The following FBXO42 variants were observed in gnomAD, a reference collection of about 807,000 sequenced individuals.
The protein encoded by FBXO42 is F-box protein 42, also known as F-box only protein 42.
FBXO42 carries 12 observed loss-of-function variants against 71.7 expected under a neutral mutation model. That is an observed-to-expected ratio of 0.17 (90% CI 0.11 to 0.27). The LOEUF (loss-of-function observed/expected upper bound fraction) is 0.27. Among genes scored for constraint, FBXO42 ranks in the 10% least tolerant of loss-of-function variants. The pLI, the probability that FBXO42 is intolerant of heterozygous loss-of-function variation, is 1.00. For missense variants in FBXO42, 707 were observed against 911.9 expected, an observed-to-expected ratio of 0.78 and a Z score of 2.89; for synonymous variants, 325 against 327.5, an observed-to-expected ratio of 0.99 and a Z score of 0.08.
intron 1 of FBXO42, among the ~76,000 whole-genome samples, chr1:16,347,140 CTG>C (rs139513021): frequency 1.1e-3 from 174 of 151,846 alleles, no homozygotes; most frequent in African/African-American, 4.1e-3. Flanking sequence ...ATACACTTAT[CTG>C]TGTGTGTGTG....
At chr1:16,277,409 T>A (rs2081916250) in intron 4 of FBXO42, among the ~76,000 whole-genome samples, 1 of 152,016 alleles carries the variant, frequency 6.6e-6, no homozygotes. Context: ...CTGCCCCCAC[T>A]ACTAATATAT....
At chr1:16,321,640 G>A (rs1396233741) in intron 1 of FBXO42, among the ~76,000 whole-genome samples, 2 of 151,118 alleles carry the variant, frequency 1.3e-5, no homozygotes, top group Non-Finnish European at 2.9e-5. Context: ...TCAAATGAGT[G>A]TAAGGTTTAT....
chr1:16,303,866 C>G (rs1481385615), intron 3 of FBXO42, among the ~76,000 whole-genome samples: 1 of 152,174 alleles, frequency 6.6e-6, no homozygotes, highest in East Asian at 1.9e-4. Context: ...CTGCTTCAGC[C>G]TCCCCAGTAG....
chr1:16,256,894 G>T, intron 4 of FBXO42, 135 bp from the exon 5 acceptor site: 1 of 801,844 alleles, frequency 1.2e-6, no homozygotes, highest in Non-Finnish European at 1.8e-6. Flanking sequence ...AGGAAAGGTG[G>T]AAAGAAAACT....
chr1:16,300,244 G>C (rs2082177080), intron 3 of FBXO42, among the ~76,000 whole-genome samples: 1 of 152,142 alleles, frequency 6.6e-6, no homozygotes, highest in Non-Finnish European at 1.5e-5. Context: ...ATAATACTGA[G>C]AGTGTCTATT....
intron 1 of FBXO42, among the ~76,000 whole-genome samples, chr1:16,317,767 A>G (rs1174774051): frequency 6.6e-6 from 1 of 152,046 alleles, no homozygotes; most frequent in Non-Finnish European, 1.5e-5. Flanking sequence ...CTACAAAAAA[A>G]TAATTAACCG....
At chr1:16,280,387 G>T (rs921316096) in intron 4 of FBXO42, among the ~76,000 whole-genome samples, 2 of 152,156 alleles carry the variant, frequency 1.3e-5, no homozygotes, top group Non-Finnish European at 2.9e-5. Flanking sequence ...AATGTATCAA[G>T]GATGGGATCT....
chr1:16,292,313 CTT>C (rs1048057335), intron 4 of FBXO42: 12 of 152,192 alleles, frequency 7.9e-5, no homozygotes, highest in South Asian at 4.1e-4. Flanking sequence ...CCCTTCCTCT[CTT>C]TCTCTTTCTT....
At position 16,253,336 on chromosome 1, in the gene FBXO42, AC is replaced by A. The variant is rs1237825311; in HGVS notation, c.865-185del. ...CCTGTGAATAAATTACTGATAATTC[AC>A]CTGAAAGGATACATTCTTTGTTGAT... On this transcript the variant is annotated intron_variant, in intron 7 of 9. Coordinates refer to ENST00000375592, the MANE Select transcript of FBXO42 (RefSeq NM_018994.3). The A allele has an allele frequency of 8.2e-6, 5 of 607,968 alleles. No individual in the cohort carries two copies. The East Asian group carries it at 1.4e-4, about 17-fold the overall frequency. 37.7% of individuals were successfully genotyped at this position (607,968 alleles called of 1,614,324 possible).
At chr1:16,260,499 G>A (rs962560224) in intron 4 of FBXO42, among the ~76,000 whole-genome samples, 1 of 151,880 alleles carries the variant, frequency 6.6e-6, no homozygotes, top group African/African-American at 2.4e-5. Context: ...GTGAGCCACC[G>A]CGCCTGGCCC....
intron 4 of FBXO42, among the ~76,000 whole-genome samples, chr1:16,272,887 C>G (rs2081861081): frequency 6.6e-6 from 1 of 152,180 alleles, no homozygotes; most frequent in South Asian, 2.1e-4. Flanking sequence ...GTCCCCAGAA[C>G]AGGCAACTGC....
chr1:16,348,287 C>T (rs1255280757), intron 1 of FBXO42, among the ~76,000 whole-genome samples: 1 of 152,120 alleles, frequency 6.6e-6, no homozygotes. Flanking sequence ...ATATAGGCAA[C>T]AACACGCTAA....
chr1:16,254,482 T>G lies in FBXO42; in HGVS notation c.768-751A>C, dbSNP rs1302426562. On this transcript the variant is annotated intron_variant, in intron 6 of 9. Transcript: ENST00000375592. ...ATCTCTAACCCTCAAGGGACCAACA[T>G]GACGAGGACAGACTCCTGGATGGCA... Among the ~76,000 whole-genome samples the G allele has an allele frequency of 3.3e-5, 5 of 152,212 alleles. No homozygotes were observed. In the South Asian group the frequency reaches 1.0e-3, roughly 32 times the overall value.
intron 4 of FBXO42, among the ~76,000 whole-genome samples, chr1:16,277,141 C>T (rs2983163): frequency 0.77 from 117,259 of 152,158 alleles, 45,703 homozygotes; most frequent in East Asian, 0.86. Context: ...ATCAATCACT[C>T]GTTTTTAAGA....
At chr1:16,267,001 C>CCCAGGAATTTGAGGCTGCAGTGAGCT (rs2081783270) in intron 4 of FBXO42, among the ~76,000 whole-genome samples, 1 of 152,122 alleles carries the variant, frequency 6.6e-6, no homozygotes, top group Non-Finnish European at 1.5e-5. Flanking sequence ...ACAACAAAAG[C>CCCAGGAATTTGAGGCTGCAGTGAGCT]ATGTTTCATG....
At chr1:16,258,426 G>A (rs1343645267) in intron 4 of FBXO42, among the ~76,000 whole-genome samples, 3 of 151,150 alleles carry the variant, frequency 2.0e-5, no homozygotes, top group Non-Finnish European at 4.4e-5. Context: ...GCACAATTAC[G>A]GCTCACTGCA....
intron 2 of FBXO42, among the ~76,000 whole-genome samples, chr1:16,313,095 A>G (rs2082328780): frequency 6.6e-6 from 1 of 152,004 alleles, no homozygotes; most frequent in African/African-American, 2.4e-5. Context: ...GTGTCCGCTC[A>G]GAGGAATTTG....
intron 1 of FBXO42, among the ~76,000 whole-genome samples, chr1:16,344,005 T>A (rs35972053): frequency 0.35 from 52,037 of 150,668 alleles, 10,590 homozygotes; most frequent in East Asian, 0.67. Context: ...GATCTTTTTT[T>A]TATTTTTTTG....
chr1:16,274,624 G>A (rs915834931), intron 4 of FBXO42, among the ~76,000 whole-genome samples: 1 of 108,810 alleles, frequency 9.2e-6, no homozygotes, highest in African/African-American at 3.7e-5. Flanking sequence ...ACGAAGTCTT[G>A]CTCTGTTGCC....
Sources: allele counts gnomAD v4.1 joint callset (sites outside exome capture counted in the v4.1 genomes callset), GRCh38; gene constraint gnomAD v4.1.1; transcripts MANE v1.5; gene names NCBI Gene and HGNC (gene_info 2026-07-23, HGNC 2026-07-21).